Variants in PTPRN2 observed in about 807,000 individuals in gnomAD.
PTPRN2 encodes protein tyrosine phosphatase receptor type N2, also known as receptor-type tyrosine-protein phosphatase N2.
PTPRN2 carries 74 observed loss-of-function variants against 118.8 expected under a neutral mutation model. The observed-to-expected ratio is 0.62, with a 90% confidence interval of 0.52 to 0.76. The LOEUF (loss-of-function observed/expected upper bound fraction) is 0.76. Ranked by LOEUF, PTPRN2 falls within the 30% of genes least tolerant of loss-of-function variation. The pLI is 0.00. For missense variants in PTPRN2, 1,481 were observed against 1,394.4 expected, an observed-to-expected ratio of 1.06 and a Z score of -0.99; for synonymous variants, 641 against 608.0, an observed-to-expected ratio of 1.05 and a Z score of -0.80.
intron 2 of PTPRN2, among the ~76,000 whole-genome samples, chr7:158,439,548 A>G (rs1332200536): frequency 6.6e-6 from 1 of 152,226 alleles, no homozygotes; most frequent in Non-Finnish European, 1.5e-5. Context: ...AGGAGGAAAC[A>G]GTAATCTTTG....
chr7:157,847,023 A>C (rs1458218340), intron 12 of PTPRN2, among the ~76,000 whole-genome samples: 57 of 94,474 alleles, frequency 6.0e-4, no homozygotes, highest in Middle Eastern at 8.6e-3. Context: ...CTCCCTCACT[A>C]CATCATGTGT....
chr7:158,346,862 G>GCT (rs1407134648), intron 2 of PTPRN2, among the ~76,000 whole-genome samples: 6 of 152,168 alleles, frequency 3.9e-5, no homozygotes, highest in African/African-American at 1.4e-4. Context: ...GCACAGTTGA[G>GCT]CATCTTTTCA....
rs371014412 is a variant in PTPRN2 at position 158,133,950 on chromosome 7, G to A, written c.1283C>T (p.Ser428Phe). 8 of 1,613,892 alleles carry A rather than the reference G, an allele frequency of 5.0e-6. No individual in the cohort carries two copies. The highest frequency in any genetic ancestry group is 6.8e-6 in the Non-Finnish European group (8 of 1,180,058). Residue 428 changes from serine to phenylalanine, a missense_variant, in exon 9 of 23, where the codon TCC becomes TTC. Coordinates refer to ENST00000389418, the MANE Select transcript of PTPRN2 (RefSeq NM_002847.5). ...AGACAGGGAAGACTCAGGGTGCTCG[G>A]ACTTCTTCCTCTCCATGTCGAGGGG... ...ARPLDMERKK[S>F]EHPESSLSSE...
intron 12 of PTPRN2, among the ~76,000 whole-genome samples, chr7:157,825,933 T>C (rs1169343353): frequency 6.6e-6 from 1 of 152,218 alleles, no homozygotes; most frequent in African/African-American, 2.4e-5. Context: ...AAGTTACAGA[T>C]GCTCTTTTGT....
At chr7:158,428,508 A>G (rs551459188) in intron 2 of PTPRN2, among the ~76,000 whole-genome samples, 1 of 152,352 alleles carries the variant, frequency 6.6e-6, no homozygotes, top group East Asian at 1.9e-4. Context: ...TCCATGGTTG[A>G]GATCGCAGTA....
At chr7:158,390,054 G>A (rs562959343) in intron 2 of PTPRN2, among the ~76,000 whole-genome samples, 18 of 152,290 alleles carry the variant, frequency 1.2e-4, no homozygotes, top group African/African-American at 3.4e-4. Flanking sequence ...CCTCTCAAAC[G>A]TCTACACGAT....
At chr7:158,444,855 G>A (rs746643566) in intron 2 of PTPRN2, among the ~76,000 whole-genome samples, 14 of 152,188 alleles carry the variant, frequency 9.2e-5, no homozygotes, top group Non-Finnish European at 1.6e-4. Context: ...CCTCACTGCT[G>A]TGCAGCTTAC....
intron 11 of PTPRN2, among the ~76,000 whole-genome samples, chr7:157,906,331 G>A (rs987319724): frequency 2.0e-5 from 3 of 152,220 alleles, no homozygotes; most frequent in Non-Finnish European, 4.4e-5. Context: ...CTGCCGTGTC[G>A]CCGACTAACA....
rs558976528 is a variant in PTPRN2 at position 158,207,222 on chromosome 7, G to T, written c.278-1949C>A. On this transcript the variant is annotated intron_variant, in intron 3 of 22. Transcript: ENST00000389418. ...CCGGTCTATCATTGTTGGACATTTG[G>T]GTTGGTTCCAAGTCTTTGCTATTGT... is the stretch of plus-strand genomic sequence containing the variant. 1.3e-3 allele frequency among the ~76,000 whole-genome samples: 191 copies of T among 141,518 alleles called. 2 individuals are homozygous for T. The highest frequency in any genetic ancestry group is 5.1e-3 in the African/African-American group (188 of 36,640). 92.8% of individuals were successfully genotyped at this position (141,518 alleles called of 152,430 possible).
chr7:158,419,358 A>AGCAAGAATTCCGTCACT (rs1815056860), intron 2 of PTPRN2, among the ~76,000 whole-genome samples: 1 of 37,498 alleles, frequency 2.7e-5, no homozygotes, highest in African/African-American at 9.4e-5. Flanking sequence ...AGCTGTCACC[A>AGCAAGAATTCCGTCACT]GCAAGAATTC....
chr7:157,621,873 C>T (rs538542406), intron 14 of PTPRN2, among the ~76,000 whole-genome samples: 1 of 152,008 alleles, frequency 6.6e-6, no homozygotes, highest in African/African-American at 2.4e-5. Context: ...GCATGGAAGT[C>T]ATTTTTCTTA....
At chr7:157,661,371 G>A (rs1210577461) in intron 13 of PTPRN2, among the ~76,000 whole-genome samples, 1 of 152,276 alleles carries the variant, frequency 6.6e-6, no homozygotes, top group Non-Finnish European at 1.5e-5. Flanking sequence ...AGAGGGAGAC[G>A]CTGCCGTGGG....
intron 5 of PTPRN2, among the ~76,000 whole-genome samples, chr7:158,176,352 TA>T (rs1824208354): frequency 6.6e-6 from 1 of 152,186 alleles, no homozygotes; most frequent in South Asian, 2.1e-4. Context: ...TAATTTTCTC[TA>T]ACCCTTTCAA....
intron 12 of PTPRN2, among the ~76,000 whole-genome samples, chr7:157,721,441 CAG>C (rs755179248): frequency 6.6e-6 from 1 of 152,220 alleles, no homozygotes; most frequent in Non-Finnish European, 1.5e-5. Context: ...GATGAAGTGT[CAG>C]GGGACGAGTG....
intron 11 of PTPRN2, among the ~76,000 whole-genome samples, chr7:157,959,887 T>C (rs1017282912): frequency 6.6e-6 from 1 of 152,156 alleles, no homozygotes; most frequent in Non-Finnish European, 1.5e-5. Flanking sequence ...TACACTGACA[T>C]GTATAGCAGC....
At chr7:157,731,740 C>T (rs867573069) in intron 12 of PTPRN2, among the ~76,000 whole-genome samples, 1 of 24,002 alleles carries the variant, frequency 4.2e-5, no homozygotes, top group Non-Finnish European at 8.9e-5. Flanking sequence ...GCACAGTTAC[C>T]CTTTCCCGTC....
At chr7:158,426,959 G>C (rs1283190134) in intron 2 of PTPRN2, among the ~76,000 whole-genome samples, 7 of 3,180 alleles carry the variant, frequency 2.2e-3, no homozygotes, top group African/African-American at 4.3e-3. Context: ...CGGGAAAGAC[G>C]CAGAGTCCGA....
In PTPRN2 at chr7:157,632,717, A is replaced by G. The variant is rs1804037983; in HGVS notation, c.2197-11208T>C. ...TGTCATTCTCAGAGAAGCGCAAAGAATTTTAAATGAACAATTTTATGAATC... is the reference window on the plus strand; with the variant it reads ...TGTCATTCTCAGAGAAGCGCAAAGAGTTTTAAATGAACAATTTTATGAATC... On this transcript the variant is annotated intron_variant, in intron 14 of 22. Transcript: ENST00000389418. This position sits in a 1 kb window ranked among gnomAD's most constrained non-coding sequence, Gnocchi z 4.3. Among the ~76,000 whole-genome samples, 1 of 152,218 alleles carries G rather than the reference A, an allele frequency of 6.6e-6. No individual in the cohort carries two copies. The highest frequency in any genetic ancestry group is 2.4e-5 in the African/African-American group (1 of 41,452).
intron 12 of PTPRN2, among the ~76,000 whole-genome samples, chr7:157,698,988 A>G (rs945835724): frequency 6.6e-6 from 1 of 152,256 alleles, no homozygotes; most frequent in Non-Finnish European, 1.5e-5. Context: ...AGATGAAAGG[A>G]AACAAGATAA....
Sources: allele counts gnomAD v4.1 joint callset (sites outside exome capture counted in the v4.1 genomes callset), GRCh38; gene constraint gnomAD v4.1.1; non-coding constraint Gnocchi (gnomAD v3.1); transcripts MANE v1.5; gene names NCBI Gene and HGNC (gene_info 2026-07-23, HGNC 2026-07-21).